OR4E2: variants seen among roughly 807,000 people sequenced by gnomAD.
The protein encoded by OR4E2 is olfactory receptor 4E2.
A neutral mutation model predicts 11.0 loss-of-function variants in OR4E2; 9 were observed. The observed-to-expected ratio is 0.82, with a 90% CI of 0.49 to 1.43. The LOEUF is 1.43. Ranked by LOEUF, OR4E2 falls within the 40% of genes most tolerant of loss-of-function variation. The pLI is 0.00. For synonymous variants in OR4E2, 159 were observed against 147.3 expected (o/e 1.08, Z -0.57); for missense variants, 441 against 382.0 (o/e 1.15, Z -1.29).
chr14:21,665,395 C>T lies in OR4E2; in HGVS notation c.313C>T (p.His105Tyr). The change falls in exon 4 of 4, where the codon CAT becomes TAT. Residue 105 changes from histidine to tyrosine, a missense_variant. Transcript: ENST00000641524. ...DNCITQLFFL[H>Y]LFACAEIFLL... is the part of the protein sequence containing the mutation. ...CTGCATCACACAGCTCTTCTTCCTACATCTCTTTGCCTGTGCCGAGATCTT... is the reference window on the plus strand; with the variant it reads ...CTGCATCACACAGCTCTTCTTCCTATATCTCTTTGCCTGTGCCGAGATCTT... 1.2e-6 allele frequency: 2 copies of T among 1,614,110 alleles called. No individual in the cohort carries two copies. Among genetic ancestry groups the T allele is most frequent in the Non-Finnish European group, 1.7e-6 (2 of 1,180,006 alleles).
chr14:21,662,689 C>T (rs559823418), intron 3 of OR4E2, among the ~76,000 whole-genome samples: 3 of 152,146 alleles, frequency 2.0e-5, no homozygotes, highest in Non-Finnish European at 4.4e-5. Flanking sequence ...CGTTGGTAGG[C>T]CTTTGTCACT....
At chr14:21,658,043 A>G (rs1880110578) in intron 2 of OR4E2, among the ~76,000 whole-genome samples, 1 of 152,166 alleles carries the variant, frequency 6.6e-6, no homozygotes, top group Non-Finnish European at 1.5e-5. Context: ...CCTCATATAC[A>G]GAGAAGAATC....
chr14:21,655,617 G>A (rs1448681732), intron 1 of OR4E2, among the ~76,000 whole-genome samples: 1 of 152,138 alleles, frequency 6.6e-6, no homozygotes, highest in Non-Finnish European at 1.5e-5. Context: ...AAGCTACAGG[G>A]AACTATGATT....
intron 3 of OR4E2, among the ~76,000 whole-genome samples, chr14:21,664,564 A>T (rs1469673158): frequency 2.0e-5 from 3 of 152,210 alleles, no homozygotes; most frequent in African/African-American, 7.2e-5. Context: ...TGGAGGTAGG[A>T]TGCCTGGAGG....
intron 1 of OR4E2, among the ~76,000 whole-genome samples, 184 bp from the exon 2 acceptor site, chr14:21,656,318 C>T (rs942017964): frequency 7.2e-5 from 11 of 152,222 alleles, no homozygotes; most frequent in African/African-American, 2.2e-4. Context: ...TGTGATCATG[C>T]CACTGCACTC....
At chr14:21,658,025 G>C (rs1408563526) in intron 2 of OR4E2, among the ~76,000 whole-genome samples, 1 of 152,030 alleles carries the variant, frequency 6.6e-6, no homozygotes, top group Admixed American at 6.6e-5. Flanking sequence ...TAACTGAGTA[G>C]ATGGTCTCCT....
rs1491231233 is a variant in OR4E2 at position 21,666,699 on chromosome 14, GGT to G, written c.*676_*677del. The G allele has an allele frequency of 1.5e-5, 2 of 135,600 alleles. No homozygotes were observed. Among genetic ancestry groups the G allele is most frequent in the Non-Finnish European group, 3.3e-5 (2 of 61,486 alleles). 8.4% of individuals were successfully genotyped at this position (135,600 alleles called of 1,614,324 possible). A position where few individuals can be genotyped will look rare whatever the true frequency, so the allele number is the denominator to read the frequency against. On this transcript the variant is annotated 3_prime_UTR_variant, in exon 4 of 4. Transcript: ENST00000641524. Reference sequence around the variant, plus strand: ...ATTAAAAAGGTAGAAAATACCAAGTGGTTTTTTTTTTTTTTTTCCTAATTACT... The same window carrying G: ...ATTAAAAAGGTAGAAAATACCAAGTGTTTTTTTTTTTTTTTCCTAATTACT...
At chr14:21,654,887 A>G (rs1879858880) in intron 1 of OR4E2, among the ~76,000 whole-genome samples, 1 of 152,088 alleles carries the variant, frequency 6.6e-6, no homozygotes, top group South Asian at 2.1e-4. Flanking sequence ...TGCAGTCTTG[A>G]ATCTAGAGGC....
chr14:21,656,864 C>T (rs981440924), intron 2 of OR4E2, among the ~76,000 whole-genome samples: 1 of 152,182 alleles, frequency 6.6e-6, no homozygotes, highest in Non-Finnish European at 1.5e-5. Context: ...CTCCAGGATT[C>T]CTCAAGATGT....
chr14:21,662,751 A>G (rs1880402792), intron 3 of OR4E2, among the ~76,000 whole-genome samples: 1 of 152,178 alleles, frequency 6.6e-6, no homozygotes, highest in African/African-American at 2.4e-5. Flanking sequence ...AGCCCTGTGA[A>G]CTACTGTTCC....
intron 2 of OR4E2, among the ~76,000 whole-genome samples, chr14:21,660,364 TG>T (rs1880251043): frequency 6.6e-6 from 1 of 152,194 alleles, no homozygotes. Context: ...CCCAGAATTA[TG>T]GGATATCTGG....
At chr14:21,661,645 GT>G (rs1397401748) in intron 3 of OR4E2, among the ~76,000 whole-genome samples, 1 of 152,204 alleles carries the variant, frequency 6.6e-6, no homozygotes, top group Non-Finnish European at 1.5e-5. Context: ...TCTTTAAGTG[GT>G]TCTAATGTGC....
rs548145175 is a variant in OR4E2 at position 21,659,670 on chromosome 14, A to T, written c.-102-983A>T. 3.1e-4 allele frequency among the ~76,000 whole-genome samples: 47 copies of T among 152,206 alleles called. 1 individual carries two copies. Among genetic ancestry groups the T allele is most frequent in the Non-Finnish European group, 7.3e-5 (5 of 68,042 alleles). On this transcript the variant is annotated intron_variant, in intron 2 of 3. Transcript: ENST00000641524. Reference sequence around the variant, plus strand: ...TAAGCTAGTAAACTCATTTCTAGTAATCTATTCCTAACGGAATAATATATT... The same window carrying T: ...TAAGCTAGTAAACTCATTTCTAGTATTCTATTCCTAACGGAATAATATATT...
chr14:21,666,075 C>A lies in OR4E2; in HGVS notation c.*51C>A. 7.4e-7 allele frequency: 1 copy of A among 1,346,308 alleles called. No homozygotes were observed. The highest frequency in any genetic ancestry group is 1.9e-5 in the Admixed American group (1 of 51,580). The allele number at this position is 1,346,308 out of a possible 1,614,324, so 83.4% of individuals were successfully genotyped here. On this transcript the variant is annotated 3_prime_UTR_variant, in exon 4 of 4. Transcript: ENST00000641524. ...TGCAGCCACATCCTTAATGAAAGAG[C>A]AAAAGTAAAGAGTCAAAATCAACTT...
intron 2 of OR4E2, among the ~76,000 whole-genome samples, chr14:21,658,798 T>C (rs577553989): frequency 1.3e-5 from 2 of 152,032 alleles, no homozygotes; most frequent in Non-Finnish European, 2.9e-5. Flanking sequence ...ATAGATTTCA[T>C]TGACCTTCAG....
intron 2 of OR4E2, among the ~76,000 whole-genome samples, chr14:21,657,256 G>A (rs981475309): frequency 1.3e-5 from 2 of 152,062 alleles, no homozygotes; most frequent in African/African-American, 4.8e-5. Context: ...GCTCCTCTGG[G>A]ATTTCTTACC....
intron 2 of OR4E2, among the ~76,000 whole-genome samples, chr14:21,658,219 C>A (rs1279504797): frequency 6.6e-6 from 1 of 152,136 alleles, no homozygotes; most frequent in Non-Finnish European, 1.5e-5. Flanking sequence ...CCACAAAACA[C>A]CTCTGAAGCT....
chr14:21,658,446 A>C (rs1319713576), intron 2 of OR4E2, among the ~76,000 whole-genome samples: 2 of 152,182 alleles, frequency 1.3e-5, no homozygotes, highest in Non-Finnish European at 2.9e-5. Flanking sequence ...GTGATGGAAA[A>C]TCATGTTCCT....
chr14:21,660,917 C>T (rs541461084), intron 3 of OR4E2, among the ~76,000 whole-genome samples, 171 bp downstream of exon 3: 11 of 152,008 alleles, frequency 7.2e-5, no homozygotes, highest in Non-Finnish European at 1.6e-4. Flanking sequence ...TGAAATGTCA[C>T]TTGGTTATAC....
Sources: gnomAD v4.1 joint callset for allele counts (sites outside exome capture counted in the v4.1 genomes callset) on GRCh38, gnomAD v4.1.1 for gene constraint, MANE v1.5 for transcripts, NCBI Gene and HGNC (gene_info 2026-07-23, HGNC 2026-07-21) for gene names.